Variants in NFATC1 observed in about 807,000 individuals in gnomAD.
NFATC1 encodes the protein nuclear factor of activated T cells 1, also known as nuclear factor of activated T-cells, cytoplasmic 1.
A neutral mutation model predicts 76.0 loss-of-function variants in NFATC1; 22 were observed. That is an observed-to-expected ratio of 0.29 (90% CI 0.21 to 0.41). NFATC1 has a LOEUF of 0.41. Among genes scored for constraint, NFATC1 ranks in the 10% least tolerant of loss-of-function variants. NFATC1 has a pLI of 1.00. For missense variants in NFATC1, 1,357 were observed against 1,337.7 expected, an observed-to-expected ratio of 1.01 and a Z score of -0.23; for synonymous variants, 704 against 613.1, an observed-to-expected ratio of 1.15 and a Z score of -2.19.
intron 3 of NFATC1, among the ~76,000 whole-genome samples, chr18:79,442,592 G>T (rs139850579): frequency 6.6e-6 from 1 of 152,240 alleles, no homozygotes; most frequent in African/African-American, 2.4e-5. Context: ...GCAGCTCAGC[G>T]CTGCTTCTCT....
rs139097958 is a variant in NFATC1 at position 79,474,125 on chromosome 18, ACGCT to A, written c.2092+6548_2092+6551del. ...GTAAACCTGAGGGAAGCGTGTTCTC[ACGCT>A]CGCTGTCGACGTTGTAAACCTGAGG... On this transcript the variant is annotated intron_variant, in intron 8 of 9. Transcript: ENST00000427363. Among the ~76,000 whole-genome samples the A allele has an allele frequency of 1.5e-3, 193 of 129,368 alleles. 3 individuals are homozygous for A. Among genetic ancestry groups the A allele is most frequent in the African/African-American group, 5.8e-3 (181 of 31,054 alleles). The allele number at this position is 129,368 out of a possible 152,430, so 84.9% of individuals were successfully genotyped here. A position where few individuals can be genotyped will look rare whatever the true frequency, so the allele number is the denominator to read the frequency against.
At chr18:79,519,893 T>C (rs1454391061) in intron 9 of NFATC1, among the ~76,000 whole-genome samples, 3 of 152,212 alleles carry the variant, frequency 2.0e-5, no homozygotes, top group Admixed American at 1.3e-4. Flanking sequence ...AGCACAGACG[T>C]GCTCGCTGTC....
In NFATC1 at chr18:79,410,964, T is replaced by A. The variant is rs138594934; in HGVS notation, c.689T>A (p.Leu230Gln). 4.1e-5 allele frequency: 65 copies of A among 1,602,686 alleles called. No individual in the cohort carries two copies. In the South Asian group the frequency reaches 5.1e-4, roughly 13 times the overall value. Residue 230 changes from leucine to glutamine, a missense_variant, in exon 2 of 10, where the codon CTG becomes CAG. Physicochemically the swap from Leu to Gln is moderately radical, Grantham distance 113 (BLOSUM62 -2). This residue lies in a region of NFATC1 where 691 missense variants were observed against 613.1 expected (regional missense o/e 1.13). Coordinates refer to ENST00000427363, the MANE Select transcript of NFATC1 (RefSeq NM_001278669.2). This position sits in a 1 kb window ranked among gnomAD's most constrained non-coding sequence, Gnocchi z 6.7. ...CCCCGCGGGCTGGGGGCCTGCACAC[T>A]GCTGGGTTCCCCGCGGCACTCCCCC... The part of the protein sequence containing the change: ...GFPRGLGACT[L>Q]LGSPRHSPST...
rs2304740 is a variant in NFATC1, at chr18:79,467,194, C to T, written c.1960-256C>T. ...TTCCCTGTGAGCGTGCGTGTCCACA[C>T]GCGTGTGCAGGTGGCACAGAGCATC... On this transcript the variant is annotated intron_variant, in intron 7 of 9. Coordinates refer to ENST00000427363, the MANE Select transcript of NFATC1 (RefSeq NM_001278669.2). 4.3e-4 allele frequency among the ~76,000 whole-genome samples: 65 copies of T among 152,382 alleles called. No homozygotes were observed. In the East Asian group the frequency reaches 6.2e-3, roughly 14 times the overall value.
chr18:79,459,775 G>A (rs2087960688), intron 6 of NFATC1, among the ~76,000 whole-genome samples: 1 of 152,168 alleles, frequency 6.6e-6, no homozygotes, highest in Non-Finnish European at 1.5e-5. Flanking sequence ...TTCAAAAGGT[G>A]CCAAACAACC....
At chr18:79,400,258 G>GGGGCCT in intron 1 of NFATC1, 9 of 1,169,006 alleles carry the variant, frequency 7.7e-6, no homozygotes, top group Non-Finnish European at 9.6e-6. Context: ...AACGCCCCGG[G>GGGGCCT]GGGCGGGGGC....
chr18:79,474,533 ACT>A, intron 8 of NFATC1, among the ~76,000 whole-genome samples: 1 of 143,686 alleles, frequency 7.0e-6, no homozygotes, highest in South Asian at 2.3e-4. Context: ...TCTCACACTC[ACT>A]GTCGACATTG....
At chr18:79,469,911 G>C (rs993022979) in intron 8 of NFATC1, 1 of 985,394 alleles carries the variant, frequency 1.0e-6, no homozygotes, top group East Asian at 1.1e-4. Context: ...CCCTCAGGCA[G>C]AGCCCCCAGG....
In NFATC1 at chr18:79,465,723, T is replaced by A. The variant is rs1169191692; in HGVS notation, c.1960-1727T>A. ...AGACCCACCTGGTGTAGCTGCTGAC[T>A]CCATCGCAGCTGCCCTGAGCACTGC... On this transcript the variant is annotated intron_variant, in intron 7 of 9. Transcript: ENST00000427363. This position sits in a 1 kb window ranked among gnomAD's most constrained non-coding sequence, Gnocchi z 4.2. Among the ~76,000 whole-genome samples the A allele has an allele frequency of 6.6e-6, 1 of 152,234 alleles. No homozygotes were observed. The highest frequency in any genetic ancestry group is 2.4e-5 in the African/African-American group (1 of 41,458).
At chr18:79,468,005 C>G (rs2088606139) in intron 8 of NFATC1, 1 of 997,004 alleles carries the variant, frequency 1.0e-6, no homozygotes, top group African/African-American at 1.7e-5. Flanking sequence ...AGCCTGTAGT[C>G]CTGATGTGGT....
At chr18:79,517,479 G>A (rs2090410800) in intron 9 of NFATC1, among the ~76,000 whole-genome samples, 1 of 152,182 alleles carries the variant, frequency 6.6e-6, no homozygotes, top group Admixed American at 6.5e-5. Context: ...GGGACGGTGG[G>A]CCTTAGAAGG....
chr18:79,484,951 G>A (rs1388152487), intron 8 of NFATC1, among the ~76,000 whole-genome samples: 1 of 152,268 alleles, frequency 6.6e-6, no homozygotes, highest in Non-Finnish European at 1.5e-5. Flanking sequence ...AGCTGCTGGT[G>A]GACTCCTCGG....
chr18:79,481,980 AGC>A (rs2089290897), intron 8 of NFATC1, among the ~76,000 whole-genome samples: 1 of 138,388 alleles, frequency 7.2e-6, no homozygotes, highest in Admixed American at 7.2e-5. Flanking sequence ...GTGTCATTCC[AGC>A]GTGACCTGGT....
At chr18:79,511,410 C>G (rs34406707) in intron 9 of NFATC1, among the ~76,000 whole-genome samples, 1 of 152,146 alleles carries the variant, frequency 6.6e-6, no homozygotes, top group Non-Finnish European at 1.5e-5. Context: ...CTATTCTTTG[C>G]AAACAGCAGG....
intron 9 of NFATC1, among the ~76,000 whole-genome samples, chr18:79,523,613 A>G (rs1009345287): frequency 1.3e-5 from 2 of 152,220 alleles, no homozygotes; most frequent in Admixed American, 1.3e-4. Flanking sequence ...TAGTTTTTAT[A>G]TTTAAAAATG....
intron 9 of NFATC1, among the ~76,000 whole-genome samples, chr18:79,510,635 G>A (rs995567659): frequency 1.1e-4 from 17 of 152,250 alleles, no homozygotes; most frequent in African/African-American, 4.1e-4. Context: ...TTGAAACCCT[G>A]AGGATGAGAT....
chr18:79,472,197 T>C (rs2088815309), intron 8 of NFATC1, among the ~76,000 whole-genome samples: 1 of 152,018 alleles, frequency 6.6e-6, no homozygotes, highest in Non-Finnish European at 1.5e-5. Context: ...CGTGCACAGA[T>C]CCCACCACCC....
intron 2 of NFATC1, among the ~76,000 whole-genome samples, chr18:79,416,637 G>A (rs1383860026): frequency 3.9e-5 from 6 of 152,246 alleles, no homozygotes; most frequent in Non-Finnish European, 7.3e-5. Context: ...CAAAGAAGCC[G>A]AGGGTGTCGA....
At chr18:79,400,231 G>A (rs2085143238) in intron 1 of NFATC1, 2 of 1,201,334 alleles carry the variant, frequency 1.7e-6, no homozygotes, top group Non-Finnish European at 1.0e-6. Context: ...CGAGCCGGTT[G>A]TTTATGTAAA....
Sources: allele counts gnomAD v4.1 joint callset (sites outside exome capture counted in the v4.1 genomes callset), GRCh38; gene constraint gnomAD v4.1.1; regional missense constraint gnomAD v4.1.1; non-coding constraint Gnocchi (gnomAD v3.1); transcripts MANE v1.5; gene names NCBI Gene and HGNC (gene_info 2026-07-23, HGNC 2026-07-21).